KIAA0586: variants seen among roughly 807,000 people sequenced by gnomAD.
KIAA0586 encodes protein TALPID3.
Under a neutral mutation model 169.8 loss-of-function variants are expected in KIAA0586, and 144 were observed. The observed-to-expected ratio is 0.85, with a 90% CI of 0.74 to 0.97. The LOEUF is 0.97. Among genes scored for constraint, KIAA0586 ranks in the 50% least tolerant of loss-of-function variants. The probability of loss-of-function intolerance (pLI) is 0.00; values close to 1 mark genes in which losing one functional copy is unlikely to be tolerated. For missense variants in KIAA0586, 1,854 were observed against 1,823.0 expected (o/e 1.02, Z -0.31); for synonymous variants, 625 against 612.4 (o/e 1.02, Z -0.30).
At chr14:58,552,136 A>G (rs542373723), downstream of KIAA0586, among the ~76,000 whole-genome samples, 1 of 152,252 alleles carries the variant, frequency 6.6e-6, no homozygotes, top group Non-Finnish European at 1.5e-5. Context: ...TCATTTGATC[A>G]TTAAACATCA....
Position 58,483,516 on chromosome 14 carries a change from A to G in KIAA0586, c.3144+804A>G, listed in dbSNP as rs1368101294. Among the ~76,000 whole-genome samples the G allele has an allele frequency of 2.6e-5, 4 of 152,294 alleles. No homozygotes were observed. The East Asian group carries it at 7.7e-4, about 29-fold the overall frequency. On this transcript the variant is annotated intron_variant, in intron 21 of 30. Coordinates refer to ENST00000652326, the MANE Select transcript of KIAA0586 (RefSeq NM_001329943.3). ...CATTGGCGTGTTAATAATATAGAAT[A>G]TAGAGACCATATTTAGATTTCCTTA... is the stretch of plus-strand genomic sequence containing the variant.
At chr14:58,545,310 C>G (rs1263289677) in intron 30 of KIAA0586, among the ~76,000 whole-genome samples, 1 of 152,132 alleles carries the variant, frequency 6.6e-6, no homozygotes, top group Non-Finnish European at 1.5e-5. Flanking sequence ...CAGTATGTTC[C>G]TTGAGACTTG....
rs2047115613 is a variant in KIAA0586, at chr14:58,548,449, A to T, written c.*517A>T. On this transcript the variant is annotated 3_prime_UTR_variant, in exon 31 of 31. Transcript: ENST00000652326. ...AAGTGAAAAAAGCCATGTGCAAAATAGTGTGTGAACTATGCAGTTGTTGAA... is the reference window on the plus strand; with the variant it reads ...AAGTGAAAAAAGCCATGTGCAAAATTGTGTGTGAACTATGCAGTTGTTGAA... The T allele has an allele frequency of 6.6e-6, 1 of 152,306 alleles. No individual in the cohort carries two copies. Among genetic ancestry groups the T allele is most frequent in the Non-Finnish European group, 1.5e-5 (1 of 68,122 alleles). 9.4% of individuals were successfully genotyped at this position (152,306 alleles called of 1,614,324 possible).
chr14:58,528,954 C>T (rs887519561), intron 29 of KIAA0586, among the ~76,000 whole-genome samples: 5 of 152,034 alleles, frequency 3.3e-5, no homozygotes, highest in Admixed American at 2.0e-4. Context: ...GGATAGACCA[C>T]TAGCTAGACT....
intron 30 of KIAA0586, among the ~76,000 whole-genome samples, chr14:58,543,030 G>A (rs1189771122): frequency 6.6e-6 from 1 of 151,574 alleles, no homozygotes; most frequent in East Asian, 1.9e-4. Context: ...TACTTGGGAG[G>A]CTGAGGCAGG....
Position 58,470,646 on chromosome 14 carries a change from A to T in KIAA0586, c.2476A>T (p.Asn826Tyr), listed in dbSNP as rs763982126. 5 of 1,608,732 alleles carry T rather than the reference A, an allele frequency of 3.1e-6. No individual in the cohort carries two copies. Among genetic ancestry groups the T allele is most frequent in the South Asian group, 1.1e-5 (1 of 90,970 alleles). Residue 826 changes from asparagine to tyrosine, a missense_variant, in exon 17 of 31, where the codon AAT (asparagine) becomes TAT (tyrosine). Coordinates refer to ENST00000652326, the MANE Select transcript of KIAA0586 (RefSeq NM_001329943.3). ...CAGTGTAGATATTGACAGCATTTCAAATAGTAGTGCTGATGTCCTTTCACC... is the reference window on the plus strand; with the variant it reads ...CAGTGTAGATATTGACAGCATTTCATATAGTAGTGCTGATGTCCTTTCACC... ...LPSVDIDSIS[N>Y]SSADVLSPLS...
At chr14:58,474,848 A>G (rs577429666) in intron 19 of KIAA0586, 51 bp downstream of exon 19, 42 of 1,271,806 alleles carry the variant, frequency 3.3e-5, no homozygotes, top group Non-Finnish European at 4.3e-5. Flanking sequence ...GAAAATATAA[A>G]TGGAAAGTAT....
At chr14:58,490,518 C>T (rs1002395545) in intron 25 of KIAA0586, among the ~76,000 whole-genome samples, 7 of 151,980 alleles carry the variant, frequency 4.6e-5, no homozygotes, top group Non-Finnish European at 8.8e-5. Flanking sequence ...CAAATTGTTA[C>T]CTCTGTATGT....
intron 9 of KIAA0586, among the ~76,000 whole-genome samples, chr14:58,456,241 G>T (rs12435693): frequency 3.9e-5 from 6 of 152,040 alleles, no homozygotes; most frequent in African/African-American, 9.7e-5. Flanking sequence ...ATTCCATAAA[G>T]CTTGCTCTTC....
intron 17 of KIAA0586, among the ~76,000 whole-genome samples, chr14:58,471,803 T>G (rs2041233900): frequency 1.3e-5 from 2 of 152,146 alleles, no homozygotes; most frequent in Admixed American, 6.5e-5. Flanking sequence ...TATTTTGTTT[T>G]TTTTCCTGAA....
chr14:58,489,165 G>A (rs1304791629), intron 24 of KIAA0586, among the ~76,000 whole-genome samples: 4 of 150,860 alleles, frequency 2.7e-5, no homozygotes, highest in Non-Finnish European at 5.9e-5. Context: ...ATACGTATGT[G>A]GATGTATGTT....
chr14:58,508,174 C>T (rs973791492), intron 27 of KIAA0586, among the ~76,000 whole-genome samples: 10 of 152,132 alleles, frequency 6.6e-5, no homozygotes, highest in African/African-American at 2.4e-4. Flanking sequence ...ATTTTCCAGG[C>T]AGGAAATTGC....
chr14:58,496,012 C>T (rs1344545138), intron 26 of KIAA0586, among the ~76,000 whole-genome samples: 1 of 152,054 alleles, frequency 6.6e-6, no homozygotes, highest in East Asian at 1.9e-4. Flanking sequence ...TGACATTTTG[C>T]ATATTTTCTT....
intron 14 of KIAA0586, chr14:58,464,094 A>G: frequency 2.4e-6 from 1 of 417,852 alleles, no homozygotes; most frequent in Non-Finnish European, 4.9e-6. Flanking sequence ...AGAACATCAC[A>G]GACCCCATGA....
intron 27 of KIAA0586, among the ~76,000 whole-genome samples, chr14:58,505,093 T>G (rs538378454): frequency 6.6e-6 from 1 of 152,194 alleles, no homozygotes; most frequent in Non-Finnish European, 1.5e-5. Context: ...AAGTAACCCA[T>G]GTTAAGATTC....
intron 27 of KIAA0586, among the ~76,000 whole-genome samples, chr14:58,500,361 T>C (rs1346160871): frequency 6.6e-6 from 1 of 152,166 alleles, no homozygotes; most frequent in African/African-American, 2.4e-5. Context: ...AGGAAGCCTA[T>C]CTAACATGTA....
Position 58,548,073 on chromosome 14 carries a change from GC to G in KIAA0586, c.*142del. 1.0e-6 allele frequency: 1 copy of G among 990,396 alleles called. No individual in the cohort carries two copies. The highest frequency in any genetic ancestry group is 2.7e-5 in the East Asian group (1 of 36,666). 61.4% of individuals were successfully genotyped at this position (990,396 alleles called of 1,614,324 possible). On this transcript the variant is annotated 3_prime_UTR_variant, in exon 31 of 31. Coordinates refer to ENST00000652326, the MANE Select transcript of KIAA0586 (RefSeq NM_001329943.3). ...CCAATATTTTAAAATAAAACAAAAA[GC>G]ATAATTTGGGTATTTAAAGTTTTTA...
chr14:58,474,993 TG>T (rs1359424214), intron 19 of KIAA0586, among the ~76,000 whole-genome samples, 196 bp downstream of exon 19: 1 of 152,248 alleles, frequency 6.6e-6, no homozygotes, highest in East Asian at 1.9e-4. Flanking sequence ...CTTGAATATT[TG>T]TACTCAATCT....
intron 29 of KIAA0586, among the ~76,000 whole-genome samples, chr14:58,532,612 T>C (rs1218091834): frequency 6.6e-6 from 1 of 152,210 alleles, no homozygotes; most frequent in East Asian, 1.9e-4. Context: ...TTTTATATAA[T>C]TACAAAATAT....
Sources: gnomAD v4.1 joint callset for allele counts (sites outside exome capture counted in the v4.1 genomes callset) on GRCh38, gnomAD v4.1.1 for gene constraint, MANE v1.5 for transcripts, NCBI Gene and HGNC (gene_info 2026-07-23, HGNC 2026-07-21) for gene names.